NEGR1: variants seen among roughly 807,000 people sequenced by gnomAD.
The protein encoded by NEGR1 is neuronal growth regulator 1.
In NEGR1, 10 loss-of-function variants were observed where a neutral mutation model predicts 40.9. The observed-to-expected ratio is 0.24, with a 90% CI of 0.15 to 0.42. The LOEUF is 0.42. NEGR1 is among the 10% of genes least tolerant of loss of function. The pLI, the probability that NEGR1 is intolerant of heterozygous loss-of-function variation, is 1.00. For missense variants in NEGR1, 352 were observed against 438.9 expected, an observed-to-expected ratio of 0.80 and a Z score of 1.77; for synonymous variants, 185 against 166.8, an observed-to-expected ratio of 1.11 and a Z score of -0.84.
Position 71,591,340 on chromosome 1 carries a change from C to T in NEGR1, c.940+1477G>A, listed in dbSNP as rs552303691. ...ATTGCCAGAGTAAAACAAATGTTTA[C>T]ACAAGTGGCATTTGTTCCTAATTTT... On this transcript the variant is annotated intron_variant, in intron 6 of 6. Transcript: ENST00000357731. Among the ~76,000 whole-genome samples, 7 of 152,126 alleles carry T rather than the reference C, an allele frequency of 4.6e-5. No homozygotes were observed. The South Asian group carries it at 1.4e-3, about 31-fold the overall frequency.
chr1:71,679,630 A>C (rs953432313), intron 4 of NEGR1, among the ~76,000 whole-genome samples: 1 of 152,064 alleles, frequency 6.6e-6, no homozygotes, highest in Non-Finnish European at 1.5e-5. Context: ...CCACACATAG[A>C]GGCAATTTGG....
At chr1:72,107,102 G>A (rs974277508) in intron 1 of NEGR1, among the ~76,000 whole-genome samples, 30 of 151,742 alleles carry the variant, frequency 2.0e-4, no homozygotes, top group Non-Finnish European at 3.1e-4. Flanking sequence ...ATAATCACAC[G>A]TAATCTTAAA....
At position 72,105,544 on chromosome 1, in the gene NEGR1, GTAAATAAA is replaced by G. The variant is rs57077521; in HGVS notation, c.177-170241_177-170234del. Among the ~76,000 whole-genome samples, 182 of 151,142 alleles carry G rather than the reference GTAAATAAA, an allele frequency of 1.2e-3. No homozygotes were observed. The South Asian group carries it at 0.016, about 13-fold the overall frequency. ...CAAAGCGATACCTCATCTCTCCACA[GTAAATAAA>G]TAAATAAATAAATAAATAGAAAGAT... On this transcript the variant is annotated intron_variant, in intron 1 of 6. Coordinates refer to ENST00000357731, the MANE Select transcript of NEGR1 (RefSeq NM_173808.3).
chr1:71,717,877 A>G (rs1004038630), intron 3 of NEGR1, among the ~76,000 whole-genome samples: 1 of 152,212 alleles, frequency 6.6e-6, no homozygotes, highest in Admixed American at 6.5e-5. Flanking sequence ...CAATGCGAAC[A>G]CACTGGAAGC....
chr1:72,236,359 C>T (rs1239908062), intron 1 of NEGR1, among the ~76,000 whole-genome samples: 1 of 151,750 alleles, frequency 6.6e-6, no homozygotes, highest in South Asian at 2.1e-4. Context: ...TGCAGCAAAC[C>T]ACATGGCACT....
chr1:71,847,721 A>C (rs1050052436), intron 2 of NEGR1, among the ~76,000 whole-genome samples: 4 of 152,190 alleles, frequency 2.6e-5, no homozygotes, highest in African/African-American at 9.7e-5. Flanking sequence ...AGGCCACTTA[A>C]TACCCTACAA....
intron 1 of NEGR1, among the ~76,000 whole-genome samples, chr1:72,038,061 A>ACT (rs1157317767): frequency 1.3e-5 from 2 of 152,106 alleles, no homozygotes; most frequent in East Asian, 1.9e-4. Context: ...GGACTTAGTA[A>ACT]AAGTGTCACA....
At chr1:71,981,530 G>C (rs1007220674) in intron 1 of NEGR1, among the ~76,000 whole-genome samples, 2 of 152,144 alleles carry the variant, frequency 1.3e-5, no homozygotes, top group Non-Finnish European at 2.9e-5. Context: ...GGAAGTGATG[G>C]AAGTGAAACT....
chr1:72,111,868 G>C (rs186352460), intron 1 of NEGR1, among the ~76,000 whole-genome samples: 1 of 151,782 alleles, frequency 6.6e-6, no homozygotes, highest in Non-Finnish European at 1.5e-5. Context: ...GCAGGAATTT[G>C]CATGTACATA....
At chr1:72,118,495 G>C (rs1016840883) in intron 1 of NEGR1, among the ~76,000 whole-genome samples, 3 of 151,886 alleles carry the variant, frequency 2.0e-5, no homozygotes, top group South Asian at 2.1e-4. Context: ...GTGTGTTGTG[G>C]CTCAAGTGGC....
chr1:71,942,959 G>T (rs1302675959), intron 1 of NEGR1, among the ~76,000 whole-genome samples: 1 of 130,568 alleles, frequency 7.7e-6, no homozygotes, highest in African/African-American at 2.8e-5. Flanking sequence ...CCCTAAGTTT[G>T]TTTTATATAT....
In NEGR1 at chr1:72,282,527, T is replaced by TCAG; in HGVS notation, c.-36_-34dup. ...AGGGCTGCTCACTCTCCAGCAGCTT[T>TCAG]CAGCTCGCACTCCCCCACCCCCTGG... On this transcript the variant is annotated 5_prime_UTR_variant, in exon 1 of 7. Transcript: ENST00000357731. 6.4e-7 allele frequency: 1 copy of TCAG among 1,559,912 alleles called. No homozygotes were observed. The highest frequency in any genetic ancestry group is 8.7e-7 in the Non-Finnish European group (1 of 1,147,736).
In NEGR1 at chr1:72,209,358, T is replaced by C. The variant is rs981798211; in HGVS notation, c.176+72961A>G. Among the ~76,000 whole-genome samples the C allele has an allele frequency of 2.0e-5, 3 of 151,712 alleles. No homozygotes were observed. In the Admixed American group the frequency reaches 2.0e-4, roughly 10 times the overall value. ...GTCATATCTCCTTGATTCACCAAAT[T>C]ATATTTCTAATATCAGTGCCATTTT... is the stretch of plus-strand genomic sequence containing the variant. On this transcript the variant is annotated intron_variant, in intron 1 of 6. Transcript: ENST00000357731.
intron 2 of NEGR1, among the ~76,000 whole-genome samples, chr1:71,850,707 G>A (rs1659573584): frequency 6.6e-6 from 1 of 151,730 alleles, no homozygotes; most frequent in Non-Finnish European, 1.5e-5. Context: ...GAGCAGTTAA[G>A]TGGAAAAGAT....
chr1:71,658,636 G>T (rs1651951004), intron 4 of NEGR1, among the ~76,000 whole-genome samples: 1 of 152,220 alleles, frequency 6.6e-6, no homozygotes, highest in African/African-American at 2.4e-5. Context: ...TTAAAAGTAG[G>T]TGTGTTTAAA....
chr1:72,002,617 AG>A (rs1646567771), intron 1 of NEGR1, among the ~76,000 whole-genome samples: 1 of 152,178 alleles, frequency 6.6e-6, no homozygotes, highest in Admixed American at 6.6e-5. Flanking sequence ...AATGTTCAAC[AG>A]GAGTTTAAAG....
chr1:71,647,267 G>A (rs924650027), intron 4 of NEGR1, among the ~76,000 whole-genome samples: 4 of 151,734 alleles, frequency 2.6e-5, no homozygotes, highest in Non-Finnish European at 1.5e-5. Context: ...ATTTGGTAGG[G>A]TTTCTAAATG....
chr1:71,709,252 T>A (rs1439575258), intron 3 of NEGR1, among the ~76,000 whole-genome samples: 1 of 152,186 alleles, frequency 6.6e-6, no homozygotes, highest in East Asian at 1.9e-4. Context: ...GAGAATTCTC[T>A]GCGGAGAATT....
chr1:72,264,288 G>A (rs1655564488), intron 1 of NEGR1, among the ~76,000 whole-genome samples: 1 of 150,942 alleles, frequency 6.6e-6, no homozygotes. Flanking sequence ...TGTAAAACTG[G>A]AATTTTAACA....
Sources: allele counts gnomAD v4.1 joint callset (sites outside exome capture counted in the v4.1 genomes callset), GRCh38; gene constraint gnomAD v4.1.1; transcripts MANE v1.5; gene names NCBI Gene and HGNC (gene_info 2026-07-23, HGNC 2026-07-21).